The following KHDRBS2 variants were observed in gnomAD, a reference collection of about 807,000 sequenced individuals.
KHDRBS2 encodes the protein KH RNA binding domain containing, signal transduction associated 2.
In KHDRBS2, 26 loss-of-function variants were observed where a neutral mutation model predicts 44.3. The observed-to-expected ratio is 0.59, with a 90% CI of 0.43 to 0.81. The LOEUF (loss-of-function observed/expected upper bound fraction) is 0.81. Ranked by LOEUF, KHDRBS2 falls within the 40% of genes least tolerant of loss-of-function variation. The probability of loss-of-function intolerance (pLI) is 0.00; values close to 1 mark genes in which losing one functional copy is unlikely to be tolerated. For missense variants in KHDRBS2, 476 were observed against 433.1 expected (o/e 1.10, Z -0.88); for synonymous variants, 194 against 151.1 (o/e 1.28, Z -2.08).
chr6:62,114,815 TAAAC>T (rs923270810), intron 2 of KHDRBS2, among the ~76,000 whole-genome samples: 6 of 152,046 alleles, frequency 3.9e-5, no homozygotes, highest in South Asian at 2.1e-4. Context: ...CCTAATTTAA[TAAAC>T]AAACAAAGCC....
At chr6:61,594,021 A>G in the KHDRBS2 span, among the ~76,000 whole-genome samples, 10 of 152,094 alleles carry the variant, frequency 6.6e-5, no homozygotes, top group Non-Finnish European at 1.2e-4. Context: ...ATAAAAGAAA[A>G]AATATCTTTA....
chr6:61,926,704 G>A lies in KHDRBS2; in HGVS notation c.484-25333C>T, dbSNP rs114592482. Among the ~76,000 whole-genome samples, 119 of 152,198 alleles carry A rather than the reference G, an allele frequency of 7.8e-4. 1 individual carries two copies. The highest frequency in any genetic ancestry group is 2.8e-3 in the African/African-American group (115 of 41,554). ...TATATTCTTGGTATCAAGTAGCACT[G>A]GGTTAGGTATTGAGTCTGTAGGTTT... On this transcript the variant is annotated intron_variant, in intron 4 of 8. Coordinates refer to ENST00000281156, the MANE Select transcript of KHDRBS2 (RefSeq NM_152688.4).
intron 6 of KHDRBS2, among the ~76,000 whole-genome samples, chr6:61,787,515 C>A (rs950647325): frequency 6.6e-6 from 1 of 151,748 alleles, no homozygotes; most frequent in African/African-American, 2.4e-5. Flanking sequence ...ATTACTCAGC[C>A]TTACCTATGC....
At chr6:61,563,988 C>T in the KHDRBS2 span, among the ~76,000 whole-genome samples, 1 of 152,066 alleles carries the variant, frequency 6.6e-6, no homozygotes, top group Non-Finnish European at 1.5e-5. Context: ...AGTAGTCCAT[C>T]TTAGTTTTCA....
intron 4 of KHDRBS2, among the ~76,000 whole-genome samples, chr6:61,909,181 C>T (rs2127349601): frequency 6.6e-6 from 1 of 151,894 alleles, no homozygotes; most frequent in African/African-American, 2.4e-5. Flanking sequence ...ATTCTCCCAC[C>T]CTGGTCTCCT....
At chr6:61,773,387 G>T (rs1301227888) in intron 6 of KHDRBS2, among the ~76,000 whole-genome samples, 1 of 151,780 alleles carries the variant, frequency 6.6e-6, no homozygotes, top group Admixed American at 6.6e-5. Context: ...TTCTCTGATG[G>T]CCAGTGATGA....
At chr6:62,223,385 C>T (rs943122125) in intron 1 of KHDRBS2, among the ~76,000 whole-genome samples, 7 of 152,146 alleles carry the variant, frequency 4.6e-5, no homozygotes, top group Non-Finnish European at 2.9e-5. Context: ...CTGGGTCAGG[C>T]CAACGAAATC....
chr6:61,926,941 G>A (rs1414387141), intron 4 of KHDRBS2, among the ~76,000 whole-genome samples: 1 of 151,796 alleles, frequency 6.6e-6, no homozygotes, highest in Non-Finnish European at 1.5e-5. Context: ...AAACTTTGGG[G>A]AAGATTTCAA....
chr6:62,057,962 A>C (rs1790677714), intron 2 of KHDRBS2, among the ~76,000 whole-genome samples: 1 of 151,982 alleles, frequency 6.6e-6, no homozygotes, highest in South Asian at 2.1e-4. Context: ...CATTTTTAAC[A>C]TAGTTTACCC....
chr6:61,721,549 T>A (rs1467368355), intron 7 of KHDRBS2, among the ~76,000 whole-genome samples: 5 of 140,904 alleles, frequency 3.5e-5, no homozygotes, highest in South Asian at 4.7e-4. Flanking sequence ...CAATTGTGAA[T>A]GGGAGTTCAC....
intron 6 of KHDRBS2, among the ~76,000 whole-genome samples, chr6:61,807,248 C>T (rs754170802): frequency 8.6e-5 from 13 of 151,970 alleles, no homozygotes; most frequent in Non-Finnish European, 1.5e-4. Flanking sequence ...GTTAAGCCAT[C>T]GTGGAAAGCA....
chr6:62,267,440 T>C (rs1839385722), intron 1 of KHDRBS2, among the ~76,000 whole-genome samples: 2 of 151,998 alleles, frequency 1.3e-5, no homozygotes, highest in Admixed American at 1.3e-4. Context: ...GCCATTTGGC[T>C]GCAGCCAGGT....
chr6:61,674,860 G>T, the KHDRBS2 span, among the ~76,000 whole-genome samples: 1 of 151,590 alleles, frequency 6.6e-6, no homozygotes, highest in Non-Finnish European at 1.5e-5. Flanking sequence ...TTACATGAAC[G>T]AAAATATAGA....
At chr6:61,598,837 C>CTTT in the KHDRBS2 span, among the ~76,000 whole-genome samples, 157 of 65,492 alleles carry the variant, frequency 2.4e-3, no homozygotes, top group Non-Finnish European at 3.9e-3. Context: ...TTTTTCTTTT[C>CTTT]TTTTTTTTTT....
chr6:61,555,761 A>T, the KHDRBS2 span, among the ~76,000 whole-genome samples: 47,771 of 151,946 alleles, frequency 0.31, 9,065 homozygotes, highest in East Asian at 0.49. Flanking sequence ...GACTGGCTTC[A>T]CTTCTGGTAG....
chr6:61,880,681 C>A (rs1427791177), intron 6 of KHDRBS2, among the ~76,000 whole-genome samples: 1 of 151,844 alleles, frequency 6.6e-6, no homozygotes, highest in Non-Finnish European at 1.5e-5. Flanking sequence ...TACTTTTTAA[C>A]CAACTAAATC....
the KHDRBS2 span, among the ~76,000 whole-genome samples, chr6:61,576,663 G>A: frequency 6.6e-6 from 1 of 152,082 alleles, no homozygotes; most frequent in Non-Finnish European, 1.5e-5. Context: ...TTATTGAGAT[G>A]TAGCTGACAC....
At chr6:61,869,614 C>T (rs537611139) in intron 6 of KHDRBS2, among the ~76,000 whole-genome samples, 1 of 152,142 alleles carries the variant, frequency 6.6e-6, no homozygotes, top group African/African-American at 2.4e-5. Flanking sequence ...CAGCTCCCAG[C>T]GAGATTGACG....
At chr6:61,620,937 C>A in the KHDRBS2 span, among the ~76,000 whole-genome samples, 13 of 152,220 alleles carry the variant, frequency 8.5e-5, no homozygotes, top group Non-Finnish European at 1.6e-4. Flanking sequence ...TCTGAAGTCT[C>A]CTTCTCTATT....
Sources: gnomAD v4.1 joint callset for allele counts (sites outside exome capture counted in the v4.1 genomes callset) on GRCh38, gnomAD v4.1.1 for gene constraint, MANE v1.5 for transcripts, NCBI Gene and HGNC (gene_info 2026-07-23, HGNC 2026-07-21) for gene names.